The following GALNTL6 variants were observed in gnomAD, a reference collection of about 807,000 sequenced individuals.
GALNTL6 encodes polypeptide N-acetylgalactosaminyltransferase-like 6.
In GALNTL6, 46 loss-of-function variants were observed where a neutral mutation model predicts 73.7. The observed-to-expected ratio is 0.62, with a 90% CI of 0.49 to 0.80. The LOEUF (loss-of-function observed/expected upper bound fraction) is 0.80, where lower values mean the gene tolerates loss of function less well. GALNTL6 is among the 30% of genes least tolerant of loss of function. GALNTL6 has a pLI of 0.00. For synonymous variants in GALNTL6, 259 were observed against 263.7 expected (o/e 0.98, Z 0.17); for missense variants, 604 against 755.0 (o/e 0.80, Z 2.34).
chr4:172,339,375 T>C (rs1018202328), intron 4 of GALNTL6, among the ~76,000 whole-genome samples: 15 of 151,232 alleles, frequency 9.9e-5, no homozygotes, highest in Admixed American at 9.2e-4. Context: ...GCTACAGTAG[T>C]TCTTCTCTTG....
At chr4:172,788,212 A>G (rs1437268829) in intron 5 of GALNTL6, among the ~76,000 whole-genome samples, 4 of 151,928 alleles carry the variant, frequency 2.6e-5, no homozygotes, top group African/African-American at 9.7e-5. Flanking sequence ...CAAAAAACAC[A>G]CAATTAGCTG....
intron 5 of GALNTL6, among the ~76,000 whole-genome samples, chr4:172,537,915 C>T (rs1019303580): frequency 3.9e-5 from 6 of 151,926 alleles, no homozygotes; most frequent in East Asian, 1.9e-4. Flanking sequence ...AATGCCTCAG[C>T]GAAACACTTG....
intron 5 of GALNTL6, among the ~76,000 whole-genome samples, chr4:172,690,995 G>A (rs1733249302): frequency 6.6e-6 from 1 of 152,176 alleles, no homozygotes. Flanking sequence ...AAATTGGCTT[G>A]CAATACAAAA....
At chr4:172,123,821 A>G in intron 2 of GALNTL6, among the ~76,000 whole-genome samples, 1 of 152,122 alleles carries the variant, frequency 6.6e-6, no homozygotes, top group Admixed American at 6.5e-5. Context: ...TATCTTCATC[A>G]GTTAATTAAT....
chr4:172,116,857 C>T (rs1045251435), intron 2 of GALNTL6, among the ~76,000 whole-genome samples: 9 of 151,950 alleles, frequency 5.9e-5, no homozygotes, highest in African/African-American at 2.2e-4. Context: ...CAAATATAAG[C>T]TTTTTGTCTT....
At chr4:172,612,163 TAGC>T (rs1032722432) in intron 5 of GALNTL6, among the ~76,000 whole-genome samples, 2 of 152,098 alleles carry the variant, frequency 1.3e-5, no homozygotes, top group African/African-American at 2.4e-5. Flanking sequence ...TATGGGAAGA[TAGC>T]AGGAAGAATT....
At chr4:172,225,522 A>G (rs558028714) in intron 2 of GALNTL6, among the ~76,000 whole-genome samples, 2 of 152,000 alleles carry the variant, frequency 1.3e-5, no homozygotes, top group Admixed American at 6.6e-5. Flanking sequence ...ATTTGTTAAT[A>G]CACAGACTTC....
chr4:172,572,494 G>A (rs1166315681), intron 5 of GALNTL6, among the ~76,000 whole-genome samples: 2 of 152,054 alleles, frequency 1.3e-5, no homozygotes, highest in African/African-American at 4.8e-5. Flanking sequence ...ACACCTGCAG[G>A]CTGAACCTCT....
intron 2 of GALNTL6, among the ~76,000 whole-genome samples, chr4:172,184,665 C>T (rs1038554368): frequency 5.3e-5 from 8 of 152,136 alleles, no homozygotes; most frequent in African/African-American, 7.2e-5. Context: ...AGTCTCTTTT[C>T]CCATGAAATT....
At chr4:171,857,043 C>T (rs1012180115) in intron 2 of GALNTL6, among the ~76,000 whole-genome samples, 19 of 152,140 alleles carry the variant, frequency 1.2e-4, no homozygotes, top group Admixed American at 1.2e-3. Context: ...TACATGCACA[C>T]ATTGACTTTT....
intron 9 of GALNTL6, among the ~76,000 whole-genome samples, chr4:172,943,986 AT>A (rs1219030665): frequency 2.6e-5 from 4 of 152,358 alleles, no homozygotes; most frequent in Admixed American, 1.3e-4. Context: ...ACATACAAAA[AT>A]TAATACAAAA....
intron 2 of GALNTL6, among the ~76,000 whole-genome samples, chr4:171,960,688 TAAAAAAAAAA>T (rs201299722): frequency 7.7e-6 from 1 of 129,494 alleles, no homozygotes; most frequent in African/African-American, 3.0e-5. Context: ...TGTCTTTATT[TAAAAAAAAAA>T]AAAAAAAAAA....
intron 2 of GALNTL6, among the ~76,000 whole-genome samples, chr4:172,218,432 C>A (rs534417440): frequency 6.6e-6 from 1 of 152,056 alleles, no homozygotes; most frequent in East Asian, 1.9e-4. Context: ...ATGGGGGCTC[C>A]CTAAGACTAT....
At chr4:172,623,011 G>GT (rs1470644766) in intron 5 of GALNTL6, among the ~76,000 whole-genome samples, 1 of 152,086 alleles carries the variant, frequency 6.6e-6, no homozygotes, top group African/African-American at 2.4e-5. Flanking sequence ...TGATAATGAT[G>GT]TAAACACTAA....
intron 5 of GALNTL6, among the ~76,000 whole-genome samples, chr4:172,410,136 AT>A (rs1744378330): frequency 6.6e-6 from 1 of 152,020 alleles, no homozygotes; most frequent in Non-Finnish European, 1.5e-5. Flanking sequence ...ACTTTTTGTT[AT>A]TTGAAATAGC....
chr4:172,373,160 G>T (rs918007164), intron 5 of GALNTL6, among the ~76,000 whole-genome samples: 2 of 152,212 alleles, frequency 1.3e-5, no homozygotes, highest in Non-Finnish European at 2.9e-5. Context: ...AACAGGTGAG[G>T]GCTATCCCTA....
chr4:172,122,172 A>G (rs1210375879), intron 2 of GALNTL6, among the ~76,000 whole-genome samples: 1 of 151,650 alleles, frequency 6.6e-6, no homozygotes, highest in Non-Finnish European at 1.5e-5. Flanking sequence ...TGTATGAGAA[A>G]TATTGCCATA....
chr4:172,145,913 A>G (rs1331308301), intron 2 of GALNTL6, among the ~76,000 whole-genome samples: 2 of 152,188 alleles, frequency 1.3e-5, no homozygotes, highest in African/African-American at 4.8e-5. Context: ...TAAAATACAA[A>G]TGTTTTATAT....
intron 8 of GALNTL6, among the ~76,000 whole-genome samples, chr4:172,893,800 A>G (rs114253778): frequency 0.02 from 2,979 of 152,266 alleles, 102 homozygotes; most frequent in African/African-American, 0.068. Flanking sequence ...GGATCCATGC[A>G]GGTTTGAGCT....
Sources: allele counts gnomAD v4.1 joint callset (sites outside exome capture counted in the v4.1 genomes callset), GRCh38; gene constraint gnomAD v4.1.1; transcripts MANE v1.5; gene names NCBI Gene and HGNC (gene_info 2026-07-23, HGNC 2026-07-21).